Variants in AUH observed in about 807,000 individuals in gnomAD.
AUH encodes the protein methylglutaconyl-CoA hydratase, mitochondrial.
Under a neutral mutation model 42.3 loss-of-function variants are expected in AUH, and 29 were observed. The observed-to-expected ratio is 0.69, with a 90% CI of 0.51 to 0.93. The LOEUF is 0.93. Ranked by LOEUF, AUH falls within the 40% of genes least tolerant of loss-of-function variation. The pLI is 0.00. For synonymous variants in AUH, 174 were observed against 166.4 expected, an observed-to-expected ratio of 1.05 and a Z score of -0.35; for missense variants, 452 against 438.1, an observed-to-expected ratio of 1.03 and a Z score of -0.28.
At chr9:91,236,969 A>G (rs1171936165) in intron 6 of AUH, among the ~76,000 whole-genome samples, 1 of 152,208 alleles carries the variant, frequency 6.6e-6, no homozygotes, top group Non-Finnish European at 1.5e-5. Context: ...GTAACAGTCT[A>G]CCACAATTTC....
chr9:91,215,675 GA>G (rs1263987426), intron 9 of AUH, among the ~76,000 whole-genome samples: 1 of 151,998 alleles, frequency 6.6e-6, no homozygotes, highest in African/African-American at 2.4e-5. Context: ...AGAGGTTCAG[GA>G]AAAGCCAAGC....
chr9:91,300,518 C>T (rs929802572), intron 4 of AUH, among the ~76,000 whole-genome samples: 1 of 152,160 alleles, frequency 6.6e-6, no homozygotes, highest in Admixed American at 6.5e-5. Context: ...CAGGAAGTAC[C>T]TAATTAATCT....
At chr9:91,296,920 G>A (rs538842914) in intron 5 of AUH, among the ~76,000 whole-genome samples, 1 of 152,318 alleles carries the variant, frequency 6.6e-6, no homozygotes, top group Admixed American at 6.5e-5. Flanking sequence ...TGAACTCCTG[G>A]CCTCAATCAA....
At chr9:91,319,566 G>C (rs1189905234) in intron 4 of AUH, among the ~76,000 whole-genome samples, 1 of 152,234 alleles carries the variant, frequency 6.6e-6, no homozygotes, top group Non-Finnish European at 1.5e-5. Flanking sequence ...GTGATCAGCA[G>C]CTTCCTGATA....
intron 6 of AUH, among the ~76,000 whole-genome samples, chr9:91,278,281 C>T (rs988570158): frequency 6.6e-6 from 1 of 152,186 alleles, no homozygotes; most frequent in East Asian, 1.9e-4. Context: ...TAAAAACATT[C>T]TAGTTTCACA....
chr9:91,299,751 TA>T (rs2131674814), intron 4 of AUH, among the ~76,000 whole-genome samples: 1 of 152,334 alleles, frequency 6.6e-6, no homozygotes, highest in African/African-American at 2.4e-5. Flanking sequence ...CCTGAGCTAC[TA>T]CAAGTAGAAT....
chr9:91,233,555 G>A (rs116008868), intron 6 of AUH, among the ~76,000 whole-genome samples: 132 of 152,270 alleles, frequency 8.7e-4, no homozygotes, highest in African/African-American at 3.1e-3. Flanking sequence ...AACAGGGAGA[G>A]GGCCTCTAAA....
At chr9:91,355,267 A>G (rs1006263139) in intron 3 of AUH, among the ~76,000 whole-genome samples, 3 of 152,222 alleles carry the variant, frequency 2.0e-5, no homozygotes, top group Non-Finnish European at 2.9e-5. Flanking sequence ...CTTAAGAATG[A>G]AACTAGGGGC....
chr9:91,280,504 T>C (rs1825878808), intron 6 of AUH, among the ~76,000 whole-genome samples: 1 of 152,122 alleles, frequency 6.6e-6, no homozygotes, highest in African/African-American at 2.4e-5. Context: ...AAGGAGGAAA[T>C]TAAAATACTC....
intron 6 of AUH, among the ~76,000 whole-genome samples, chr9:91,286,311 G>T (rs1244131340): frequency 6.6e-6 from 1 of 152,062 alleles, no homozygotes; most frequent in Non-Finnish European, 1.5e-5. Flanking sequence ...ATGATGTACA[G>T]TAATGCCCCC....
chr9:91,249,292 CAAAAAAAAA>C (rs59102669), intron 6 of AUH, among the ~76,000 whole-genome samples: 7 of 32,532 alleles, frequency 2.2e-4, no homozygotes, highest in South Asian at 1.7e-3. Context: ...GAACCTGTCT[CAAAAAAAAA>C]AAAAAAAAAA....
intron 6 of AUH, among the ~76,000 whole-genome samples, chr9:91,254,170 A>G (rs370030398): frequency 2.4e-4 from 37 of 152,360 alleles, no homozygotes; most frequent in African/African-American, 8.4e-4. Flanking sequence ...TCTGTGAAGA[A>G]TATCTCTGGA....
intron 3 of AUH, among the ~76,000 whole-genome samples, chr9:91,347,217 TTTG>T (rs1831582257): frequency 4.4e-5 from 1 of 22,786 alleles, no homozygotes; most frequent in Non-Finnish European, 2.0e-4. Flanking sequence ...GGGTTTTTTG[TTTG>T]TTTGTTTGTT....
intron 6 of AUH, among the ~76,000 whole-genome samples, chr9:91,278,377 AT>A (rs1004455881): frequency 6.6e-6 from 1 of 152,168 alleles, no homozygotes; most frequent in Non-Finnish European, 1.5e-5. Flanking sequence ...AACACTGAGG[AT>A]TTTTTTTCCA....
chr9:91,238,900 T>C (rs1017911435), intron 6 of AUH, among the ~76,000 whole-genome samples: 1 of 152,224 alleles, frequency 6.6e-6, no homozygotes, highest in African/African-American at 2.4e-5. Context: ...TGGGGAGATG[T>C]TGGCAGCAAT....
At chr9:91,257,236 G>A (rs1416740833) in intron 6 of AUH, among the ~76,000 whole-genome samples, 1 of 151,934 alleles carries the variant, frequency 6.6e-6, no homozygotes, top group African/African-American at 2.4e-5. Flanking sequence ...GCCATTATTT[G>A]GAAACAGCTA....
rs1470861035 is a variant in AUH at position 91,325,384 on chromosome 9, C to G, written c.439G>C (p.Ala147Pro). ...CCAACTTCACTGGAACTCATTTTGG[C>G]TCTTTCCTTAAGGTCAGCACCTGCA... is the stretch of plus-strand genomic sequence containing the variant. ...FCAGADLKER[A>P]KMSSSEVGPF... The change falls in exon 4 of 10, where the codon GCC becomes CCC. Residue 147 changes from alanine (A) to proline (P), a missense_variant. Coordinates refer to ENST00000375731, the MANE Select transcript of AUH (RefSeq NM_001698.3). The G allele has an allele frequency of 6.2e-7, 1 of 1,613,738 alleles. No homozygotes were observed. Among genetic ancestry groups the G allele is most frequent in the Non-Finnish European group, 8.5e-7 (1 of 1,179,864 alleles).
intron 4 of AUH, among the ~76,000 whole-genome samples, chr9:91,305,299 TTTA>T (rs1190065877): frequency 1.3e-4 from 20 of 152,348 alleles, no homozygotes; most frequent in African/African-American, 4.8e-4. Context: ...TATTCTCTAC[TTTA>T]TTACTAACAC....
intron 5 of AUH, 120 bp from the exon 6 acceptor site, chr9:91,296,197 C>CTTTTTTTTTTTTTTTTTTTTT: frequency 2.0e-6 from 2 of 1,001,804 alleles, no homozygotes; most frequent in East Asian, 3.1e-5. Flanking sequence ...ATCACAAATT[C>CTTTTTTTTTTTTTTTTTTTTT]TTAAAAAAAA....
Sources: gnomAD v4.1 joint callset for allele counts (sites outside exome capture counted in the v4.1 genomes callset) on GRCh38, gnomAD v4.1.1 for gene constraint, MANE v1.5 for transcripts, NCBI Gene and HGNC (gene_info 2026-07-23, HGNC 2026-07-21) for gene names.